YWHAE: variants seen among roughly 807,000 people sequenced by gnomAD.
YWHAE encodes the protein tyrosine 3-monooxygenase/tryptophan 5-monooxygenase activation protein epsilon, also known as 14-3-3 protein epsilon.
In YWHAE, 4 loss-of-function variants were observed where a neutral mutation model predicts 30.1. The observed-to-expected ratio is 0.13, with a 90% CI of 0.07 to 0.30. The LOEUF (loss-of-function observed/expected upper bound fraction) is 0.30, where lower values mean the gene tolerates loss of function less well. Among genes scored for constraint, YWHAE ranks in the 10% least tolerant of loss-of-function variants. The pLI, the probability that YWHAE is intolerant of heterozygous loss-of-function variation, is 1.00. For missense variants in YWHAE, 121 were observed against 315.9 expected, an observed-to-expected ratio of 0.38 and a Z score of 4.68; for synonymous variants, 118 against 111.8, an observed-to-expected ratio of 1.06 and a Z score of -0.35.
chr17:1,346,714 C>G (rs946860105), intron 5 of YWHAE, among the ~76,000 whole-genome samples: 1 of 152,120 alleles, frequency 6.6e-6, no homozygotes, highest in African/African-American at 2.4e-5. Context: ...ACGCCGGGCA[C>G]GGTGGCTCAC....
At chr17:1,375,186 C>T (rs1303312775) in intron 1 of YWHAE, among the ~76,000 whole-genome samples, 1 of 152,160 alleles carries the variant, frequency 6.6e-6, no homozygotes, top group Non-Finnish European at 1.5e-5. Context: ...TACAATGACA[C>T]TCTCTTCCAA....
chr17:1,373,379 T>C (rs180695687), intron 1 of YWHAE, among the ~76,000 whole-genome samples: 215 of 151,246 alleles, frequency 1.4e-3, no homozygotes, highest in Admixed American at 4.3e-3. Context: ...AATGAAAAGT[T>C]TGAGGCCGGG....
rs186803396 is a variant in YWHAE at position 1,349,637 on chromosome 17, G to A, written c.716-4138C>T. Among the ~76,000 whole-genome samples the A allele has an allele frequency of 9.3e-5, 14 of 150,336 alleles. No homozygotes were observed. The East Asian group carries it at 9.7e-4, about 10-fold the overall frequency. Reference sequence around the variant, plus strand: ...ACTAGATTTTTTTTTTTTTTGAGACGGAGTCTTGCTCTGTCGCCCAGGCTG... The same window carrying A: ...ACTAGATTTTTTTTTTTTTTGAGACAGAGTCTTGCTCTGTCGCCCAGGCTG... On this transcript the variant is annotated intron_variant, in intron 5 of 5. Transcript: ENST00000264335.
chr17:1,377,486 T>A (rs1005772990), intron 1 of YWHAE, among the ~76,000 whole-genome samples: 1 of 152,108 alleles, frequency 6.6e-6, no homozygotes, highest in African/African-American at 2.4e-5. Context: ...GGCTCACACC[T>A]GTAGTCAGTC....
intron 4 of YWHAE, among the ~76,000 whole-genome samples, chr17:1,357,997 G>A (rs1024541542): frequency 1.3e-5 from 2 of 151,562 alleles, no homozygotes; most frequent in Non-Finnish European, 2.9e-5. Flanking sequence ...ACCTACAGAA[G>A]AGGAGAAAAT....
chr17:1,345,289 T>TTAA lies in YWHAE; in HGVS notation c.*157_*158insTTA, dbSNP rs776864543. 17 of 508,486 alleles carry TTAA rather than the reference T, an allele frequency of 3.3e-5. No individual in the cohort carries two copies. The highest frequency in any genetic ancestry group is 4.6e-4 in the Middle Eastern group (1 of 2,152). 31.5% of individuals were successfully genotyped at this position (508,486 alleles called of 1,614,324 possible). On this transcript the variant is annotated 3_prime_UTR_variant, in exon 6 of 6. Coordinates refer to ENST00000264335, the MANE Select transcript of YWHAE (RefSeq NM_006761.5). ...CCTTTAAGAACTTTTGAAAACTGTT[T>TTAA]AAAAAAAAAAAAAAAAAACCAACAG...
chr17:1,370,261 G>C (rs942040645), intron 1 of YWHAE, among the ~76,000 whole-genome samples: 6 of 146,402 alleles, frequency 4.1e-5, no homozygotes, highest in Non-Finnish European at 9.0e-5. Context: ...CGAGTAGCTG[G>C]GACCACAGGC....
intron 1 of YWHAE, among the ~76,000 whole-genome samples, chr17:1,388,122 T>G (rs1416468106): frequency 0.011 from 689 of 61,310 alleles, 12 homozygotes; most frequent in Middle Eastern, 0.021. Context: ...TGGTTGGTTT[T>G]TTTTTTTTTT....
intron 1 of YWHAE, among the ~76,000 whole-genome samples, chr17:1,385,085 T>C (rs2073279702): frequency 6.8e-6 from 1 of 146,680 alleles, no homozygotes; most frequent in Non-Finnish European, 1.5e-5. Context: ...ATAACACTCC[T>C]TGGCTGAAGC....
intron 1 of YWHAE, among the ~76,000 whole-genome samples, chr17:1,378,780 T>C (rs2073162074): frequency 6.6e-6 from 1 of 152,160 alleles, no homozygotes; most frequent in East Asian, 1.9e-4. Context: ...ATCCCGTCTC[T>C]ACTAAAAATA....
chr17:1,348,122 TCTTA>T (rs1275520292), intron 5 of YWHAE: 5 of 368,186 alleles, frequency 1.4e-5, no homozygotes, highest in Admixed American at 6.4e-5. Flanking sequence ...CGGACTTTGG[TCTTA>T]CTTCGTGTAA....
chr17:1,353,579 A>G (rs2072677369), intron 5 of YWHAE, among the ~76,000 whole-genome samples: 1 of 152,122 alleles, frequency 6.6e-6, no homozygotes, highest in South Asian at 2.1e-4. Flanking sequence ...CCTGACCAAC[A>G]TGGAGAAATC....
intron 4 of YWHAE, among the ~76,000 whole-genome samples, chr17:1,357,691 C>G (rs140438148): frequency 6.4e-4 from 97 of 151,740 alleles, no homozygotes; most frequent in Non-Finnish European, 4.9e-4. Flanking sequence ...TTTGGGAGGC[C>G]GAGGTGGCTG....
At chr17:1,394,451 A>C (rs1272202814) in intron 1 of YWHAE, among the ~76,000 whole-genome samples, 5 of 149,868 alleles carry the variant, frequency 3.3e-5, no homozygotes, top group South Asian at 4.2e-4. Flanking sequence ...AAAAAAAAAA[A>C]AAAAAAAAAA....
chr17:1,385,849 CAGG>C (rs2073292464), intron 1 of YWHAE, among the ~76,000 whole-genome samples: 1 of 152,062 alleles, frequency 6.6e-6, no homozygotes, highest in Admixed American at 6.6e-5. Flanking sequence ...GAGGCCAAGG[CAGG>C]AGGACTTCTT....
chr17:1,376,320 G>A (rs147050577), intron 1 of YWHAE, among the ~76,000 whole-genome samples: 1 of 152,080 alleles, frequency 6.6e-6, no homozygotes, highest in African/African-American at 2.4e-5. Context: ...CACCATGAGA[G>A]AAAGAACGAA....
intron 1 of YWHAE, among the ~76,000 whole-genome samples, chr17:1,394,183 ATC>A (rs776064375): frequency 3.9e-5 from 6 of 152,178 alleles, no homozygotes; most frequent in Admixed American, 2.6e-4. Context: ...TCATAAAAAA[ATC>A]TCTCTCTCAA....
rs773680034 is a variant in YWHAE, at chr17:1,354,302, C to T, written c.624G>A (p.Thr208=). Reference sequence around the variant, plus strand: ...AGTCCTTATAGCTTTCTTCACTCAGCGTATCCAGTTCTGCAATTGCATCAT... The same window carrying T: ...AGTCCTTATAGCTTTCTTCACTCAGTGTATCCAGTTCTGCAATTGCATCAT... ...AFDDAIAELD[T]LSEESYKDST... The change falls in exon 5 of 6, where the codon ACG becomes ACA. Residue 208 remains threonine (T), a synonymous_variant. Transcript: ENST00000264335. The T allele has an allele frequency of 3.1e-6, 5 of 1,613,924 alleles. No individual in the cohort carries two copies. Among genetic ancestry groups the T allele is most frequent in the African/African-American group, 2.7e-5 (2 of 74,920 alleles).
At position 1,358,533 on chromosome 17, in the gene YWHAE, G is replaced by A. The variant is rs999445508; in HGVS notation, c.578+2559C>T. 1.3e-4 allele frequency among the ~76,000 whole-genome samples: 19 copies of A among 147,324 alleles called. 1 individual carries two copies. The highest frequency in any genetic ancestry group is 4.1e-4 in the Admixed American group (6 of 14,774). On this transcript the variant is annotated intron_variant, in intron 4 of 5. Transcript: ENST00000264335. ...GGATTACAGGCGTGAGCCACTGCACGCAGCCCAAAAAAAATTTAAAAATTG... is the reference window on the plus strand; with the variant it reads ...GGATTACAGGCGTGAGCCACTGCACACAGCCCAAAAAAAATTTAAAAATTG...
Sources: allele counts gnomAD v4.1 joint callset (sites outside exome capture counted in the v4.1 genomes callset), GRCh38; gene constraint gnomAD v4.1.1; transcripts MANE v1.5; gene names NCBI Gene and HGNC (gene_info 2026-07-23, HGNC 2026-07-21).